Variants in UBE2G2 observed in about 807,000 individuals in gnomAD.
UBE2G2 encodes the protein ubiquitin conjugating enzyme E2 G2, also known as ubiquitin-conjugating enzyme E2 G2.
In UBE2G2, 10 loss-of-function variants were observed where a neutral mutation model predicts 23.0. The observed-to-expected ratio is 0.43, with a 90% CI of 0.27 to 0.74. The LOEUF (loss-of-function observed/expected upper bound fraction) is 0.74. Among genes scored for constraint, UBE2G2 ranks in the 30% least tolerant of loss-of-function variants. UBE2G2 has a pLI of 0.19. For synonymous variants in UBE2G2, 86 were observed against 81.3 expected, an observed-to-expected ratio of 1.06 and a Z score of -0.31; for missense variants, 150 against 218.3, an observed-to-expected ratio of 0.69 and a Z score of 1.97.
chr21:44,786,820 G>A (rs1164267645), intron 3 of UBE2G2, among the ~76,000 whole-genome samples: 12 of 152,182 alleles, frequency 7.9e-5, no homozygotes, highest in South Asian at 2.1e-4. Flanking sequence ...GGCTTGGCGC[G>A]GTGGCTCACA....
intron 3 of UBE2G2, among the ~76,000 whole-genome samples, chr21:44,780,224 T>C (rs769583957): frequency 1.3e-5 from 2 of 152,256 alleles, no homozygotes; most frequent in Non-Finnish European, 2.9e-5. Flanking sequence ...CTGGGATTTC[T>C]TTCTCTTTTC....
intron 1 of UBE2G2, among the ~76,000 whole-genome samples, chr21:44,799,691 G>A (rs533064570): frequency 6.6e-6 from 1 of 152,274 alleles, no homozygotes; most frequent in South Asian, 2.1e-4. Context: ...CAGCAGTAAG[G>A]CTTTTTCACT....
chr21:44,779,711 A>G (rs1555961090), intron 3 of UBE2G2, among the ~76,000 whole-genome samples: 1 of 152,224 alleles, frequency 6.6e-6, no homozygotes, highest in East Asian at 1.9e-4. Context: ...AGAGCAAACG[A>G]TAACCACCAC....
In UBE2G2 at chr21:44,770,300, G is replaced by T. The variant is rs1278758996; in HGVS notation, c.*1077C>A. Reference sequence around the variant, plus strand: ...TGTAGATCCAGAAGAAACTTTCATTGAAACTTTAAAGACCTCACCTGCACC... The same window carrying T: ...TGTAGATCCAGAAGAAACTTTCATTTAAACTTTAAAGACCTCACCTGCACC... On this transcript the variant is annotated 3_prime_UTR_variant, in exon 6 of 6. Transcript: ENST00000345496. The T allele has an allele frequency of 6.6e-6, 1 of 152,126 alleles. No individual in the cohort carries two copies. Among genetic ancestry groups the T allele is most frequent in the Non-Finnish European group, 1.5e-5 (1 of 68,032 alleles). The allele number at this position is 152,126 out of a possible 1,614,324, so 9.4% of individuals were successfully genotyped here.
intron 1 of UBE2G2, among the ~76,000 whole-genome samples, chr21:44,788,583 C>T (rs782619055): frequency 6.6e-5 from 10 of 152,068 alleles, no homozygotes; most frequent in East Asian, 1.9e-4. Flanking sequence ...GCCACCGCGC[C>T]GGCCCAAATA....
rs542880408 is a variant in UBE2G2, at chr21:44,801,318, T to A, written c.43+388A>T. 19 of 1,047,006 alleles carry A rather than the reference T, an allele frequency of 1.8e-5. No individual in the cohort carries two copies. The East Asian group carries it at 1.4e-3, about 76-fold the overall frequency. 64.9% of individuals were successfully genotyped at this position (1,047,006 alleles called of 1,614,324 possible). A position where few individuals can be genotyped will look rare whatever the true frequency, so the allele number is the denominator to read the frequency against. ...CTCCACCAACGAGCCTTTCCCCTTT[T>A]AACGCATACACTTTTCCCTCCTAAT... On this transcript the variant is annotated intron_variant, in intron 1 of 5. Coordinates refer to ENST00000345496, the MANE Select transcript of UBE2G2 (RefSeq NM_003343.6).
chr21:44,780,869 C>T (rs1555961250), intron 3 of UBE2G2, among the ~76,000 whole-genome samples: 2 of 152,200 alleles, frequency 1.3e-5, no homozygotes, highest in African/African-American at 4.8e-5. Context: ...TTCTTCTTTG[C>T]ATTGCCTTTC....
chr21:44,776,410 T>C (rs1344056133), intron 4 of UBE2G2, among the ~76,000 whole-genome samples: 2 of 152,194 alleles, frequency 1.3e-5, no homozygotes, highest in Non-Finnish European at 2.9e-5. Context: ...TATATATACA[T>C]TTACATGTGA....
Position 44,795,759 on chromosome 21 carries a change from C to CCGTT in UBE2G2, c.43+5946_43+5947insAACG, listed in dbSNP as rs1555963657. ...TAGGGAAATGTGAACTAGAGGAAAA[C>CCGTT]TGGCCGTTTCTTTAAAAATTAAACA... is the stretch of plus-strand genomic sequence containing the variant. On this transcript the variant is annotated intron_variant, in intron 1 of 5. Transcript: ENST00000345496. Among the ~76,000 whole-genome samples, 68 of 151,846 alleles carry CCGTT rather than the reference C, an allele frequency of 4.5e-4. 1 individual carries two copies. The East Asian group carries it at 5.2e-3, about 12-fold the overall frequency.
intron 3 of UBE2G2, among the ~76,000 whole-genome samples, chr21:44,785,174 G>A (rs1183123508): frequency 6.6e-6 from 1 of 152,322 alleles, no homozygotes; most frequent in South Asian, 2.1e-4. Context: ...CAAAGTGACT[G>A]GGCCAAGAGC....
intron 1 of UBE2G2, chr21:44,799,902 A>G (rs1555964490): frequency 6.6e-6 from 1 of 152,228 alleles, no homozygotes; most frequent in Non-Finnish European, 1.5e-5. Context: ...ACTTGAGCCC[A>G]CTGTACAGTT....
At chr21:44,779,253 T>C (rs944020642) in intron 3 of UBE2G2, 2 of 429,740 alleles carry the variant, frequency 4.7e-6, no homozygotes, top group Admixed American at 2.9e-5. Context: ...AAGCAGTGAT[T>C]GCTTCATGGA....
rs1555964877 is a variant in UBE2G2, at chr21:44,801,722, C to T, written c.27G>A (p.Leu9=). 2 of 1,522,846 alleles carry T rather than the reference C, an allele frequency of 1.3e-6. No homozygotes were observed. Among genetic ancestry groups the T allele is most frequent in the Admixed American group, 4.2e-5 (2 of 47,542 alleles). 94.3% of individuals were successfully genotyped at this position (1,522,846 alleles called of 1,614,324 possible). The change falls in exon 1 of 6, where the codon CTG becomes CTA. Residue 9 remains leucine (L), a synonymous_variant. Transcript: ENST00000345496. MAGTALKR[L]MAEYKQLTLN... is the part of the protein sequence containing the mutation. Reference sequence around the variant, plus strand: ...CAGACTCACGTTTGTACTCGGCCATCAGCCTCTTGAGCGCGGTCCCCGCCA... The same window carrying T: ...CAGACTCACGTTTGTACTCGGCCATTAGCCTCTTGAGCGCGGTCCCCGCCA...
chr21:44,779,264 G>T (rs2082937697), intron 3 of UBE2G2: 1 of 416,982 alleles, frequency 2.4e-6, no homozygotes, highest in Admixed American at 3.2e-5. Context: ...GCTTCATGGA[G>T]ACAAGATTTT....
At chr21:44,784,138 A>C (rs1442635415) in intron 3 of UBE2G2, among the ~76,000 whole-genome samples, 3 of 144,270 alleles carry the variant, frequency 2.1e-5, no homozygotes, top group Non-Finnish European at 4.6e-5. Context: ...CCTGGGTGAC[A>C]GAGCTAGACC....
At chr21:44,778,943 A>G (rs192945109) in intron 3 of UBE2G2, among the ~76,000 whole-genome samples, 1 of 152,366 alleles carries the variant, frequency 6.6e-6, no homozygotes, top group East Asian at 1.9e-4. Flanking sequence ...TGGCACAGGA[A>G]AAAAATAATT....
intron 1 of UBE2G2, among the ~76,000 whole-genome samples, chr21:44,788,428 T>G (rs2570974): frequency 0.053 from 8,022 of 151,872 alleles, 311 homozygotes; most frequent in African/African-American, 0.095. Flanking sequence ...TAGCTGGGAC[T>G]ACAGGCGCCC....
At chr21:44,775,165 C>A (rs1555960429) in intron 4 of UBE2G2, 1 of 155,118 alleles carries the variant, frequency 6.4e-6, no homozygotes, top group Non-Finnish European at 1.4e-5. Context: ...GTAGTTTGGC[C>A]CCGGCCTTCC....
chr21:44,782,650 T>G (rs987482262), intron 3 of UBE2G2, among the ~76,000 whole-genome samples: 1 of 152,240 alleles, frequency 6.6e-6, no homozygotes, highest in African/African-American at 2.4e-5. Context: ...TATAGTCAAC[T>G]GATTTTTGAC....
Sources: gnomAD v4.1 joint callset for allele counts (sites outside exome capture counted in the v4.1 genomes callset) on GRCh38, gnomAD v4.1.1 for gene constraint, MANE v1.5 for transcripts, NCBI Gene and HGNC (gene_info 2026-07-23, HGNC 2026-07-21) for gene names.